Variants in LARP1B observed in about 807,000 individuals in gnomAD.
The protein encoded by LARP1B is la-related protein 1B.
A neutral mutation model predicts 114.2 loss-of-function variants in LARP1B; 76 were observed. The ratio of observed to expected loss-of-function variants is 0.67; its 90% CI spans 0.55 to 0.81. LARP1B has a LOEUF of 0.81. Among genes scored for constraint, LARP1B ranks in the 30% least tolerant of loss-of-function variants. The pLI is 0.00. For missense variants in LARP1B, 1,014 were observed against 1,075.8 expected, an observed-to-expected ratio of 0.94 and a Z score of 0.80; for synonymous variants, 345 against 348.0, an observed-to-expected ratio of 0.99 and a Z score of 0.10.
chr4:128,192,005 G>A lies in LARP1B; in HGVS notation c.2004-7434G>A, dbSNP rs532840747. ...AGTTTTTCAGTTCTCTGTGGCTCAC[G>A]GGTACTATCAGCCTCAGATTTGAGT... On this transcript the variant is annotated intron_variant, in intron 15 of 19. Transcript: ENST00000326639. Among the ~76,000 whole-genome samples the A allele has an allele frequency of 4.6e-5, 7 of 152,216 alleles. No homozygotes were observed. In the South Asian group the frequency reaches 1.2e-3, roughly 27 times the overall value.
chr4:128,077,705 G>A, intron 3 of LARP1B, 83 bp from the exon 4 acceptor site: 6 of 1,355,000 alleles, frequency 4.4e-6, no homozygotes, highest in Non-Finnish European at 5.8e-6. Context: ...TGCAATTTTA[G>A]GTTAGGTATA....
chr4:128,170,087 T>C (rs528116161), intron 12 of LARP1B, among the ~76,000 whole-genome samples: 2 of 152,344 alleles, frequency 1.3e-5, no homozygotes, highest in Admixed American at 1.3e-4. Flanking sequence ...GTATTCGGTG[T>C]AATTTCCAAG....
At position 128,211,462 on chromosome 4, in the gene LARP1B, A is replaced by G; in HGVS notation, c.*1409A>G. Reference sequence around the variant, plus strand: ...TTTCATTAAGTTATTTCTCATGATAAGTAATAATCAGCAGTTTTATAATAT... The same window carrying G: ...TTTCATTAAGTTATTTCTCATGATAGGTAATAATCAGCAGTTTTATAATAT... On this transcript the variant is annotated 3_prime_UTR_variant, in exon 20 of 20. Coordinates refer to ENST00000326639, the MANE Select transcript of LARP1B (RefSeq NM_018078.4). The G allele has an allele frequency of 1.3e-5, 12 of 916,858 alleles. No individual in the cohort carries two copies. Among genetic ancestry groups the G allele is most frequent in the Non-Finnish European group, 1.6e-5 (12 of 767,622 alleles). The allele number at this position is 916,858 out of a possible 1,614,324, so 56.8% of individuals were successfully genotyped here.
chr4:128,184,443 A>G (rs1749628817), intron 15 of LARP1B, among the ~76,000 whole-genome samples: 2 of 152,216 alleles, frequency 1.3e-5, no homozygotes, highest in South Asian at 4.1e-4. Context: ...AAATTGATAC[A>G]TAACAGTTGT....
intron 1 of LARP1B, among the ~76,000 whole-genome samples, chr4:128,074,259 C>T (rs1766941014): frequency 6.6e-6 from 1 of 152,162 alleles, no homozygotes; most frequent in African/African-American, 2.4e-5. Context: ...ATATTTCTTA[C>T]TTCTTGATTT....
chr4:128,157,680 TGAAA>T (rs560607944), intron 11 of LARP1B, among the ~76,000 whole-genome samples: 68 of 152,204 alleles, frequency 4.5e-4, no homozygotes, highest in African/African-American at 1.5e-3. Context: ...TTACAGTGCC[TGAAA>T]GAAAGGGAAA....
At chr4:128,196,282 A>T (rs1754070744) in intron 15 of LARP1B, among the ~76,000 whole-genome samples, 1 of 150,312 alleles carries the variant, frequency 6.7e-6, no homozygotes, top group African/African-American at 2.4e-5. Flanking sequence ...GAAAGAAAGA[A>T]AAAGAAAAGG....
At chr4:128,179,017 G>A (rs938474961) in intron 14 of LARP1B, among the ~76,000 whole-genome samples, 3 of 152,264 alleles carry the variant, frequency 2.0e-5, no homozygotes, top group African/African-American at 4.8e-5. Context: ...GCTTGAGCCT[G>A]TAGGGGTCAG....
At chr4:128,075,219 G>A (rs1767341184) in intron 3 of LARP1B, among the ~76,000 whole-genome samples, 1 of 151,562 alleles carries the variant, frequency 6.6e-6, no homozygotes, top group African/African-American at 2.4e-5. Context: ...TTCCTACCTC[G>A]ACCTCCAGAG....
intron 11 of LARP1B, among the ~76,000 whole-genome samples, chr4:128,137,904 TCAGCCTCCTGAGTAGCTGGGACTACAGG>T (rs1358812180): frequency 5.3e-5 from 8 of 151,838 alleles, no homozygotes; most frequent in Non-Finnish European, 1.2e-4. Context: ...AAGCAGTGCT[TCAGCCTCCTGAGTAGCTGGGACTACAGG>T]CATGCACCAC....
At chr4:128,174,394 A>G (rs1404786798) in intron 12 of LARP1B, among the ~76,000 whole-genome samples, 1 of 151,994 alleles carries the variant, frequency 6.6e-6, no homozygotes, top group Non-Finnish European at 1.5e-5. Flanking sequence ...TGTTCTTGCA[A>G]TGAATATTTG....
At chr4:128,161,265 G>T (rs1026703822) in intron 11 of LARP1B, among the ~76,000 whole-genome samples, 4 of 152,138 alleles carry the variant, frequency 2.6e-5, no homozygotes, top group African/African-American at 9.7e-5. Flanking sequence ...GTGGCCAAGT[G>T]AACTTCCAGT....
chr4:128,183,087 A>C (rs573874843), intron 15 of LARP1B, among the ~76,000 whole-genome samples: 1 of 152,342 alleles, frequency 6.6e-6, no homozygotes, highest in East Asian at 1.9e-4. Context: ...GCAAGTGCTG[A>C]TGGGGAAGGT....
chr4:128,193,003 A>T (rs914024771), intron 15 of LARP1B, among the ~76,000 whole-genome samples: 1 of 151,934 alleles, frequency 6.6e-6, no homozygotes, highest in Non-Finnish European at 1.5e-5. Flanking sequence ...GCTAATTTTT[A>T]AAAAAATTTT....
At chr4:128,122,246 G>A (rs780955488) in intron 11 of LARP1B, 58 bp downstream of exon 11, 124 of 1,573,758 alleles carry the variant, frequency 7.9e-5, no homozygotes, top group Non-Finnish European at 9.9e-5. Context: ...GTATGTTGCT[G>A]TTTATATTTT....
At chr4:128,083,069 C>T (rs1448864161) in intron 5 of LARP1B, among the ~76,000 whole-genome samples, 2 of 151,976 alleles carry the variant, frequency 1.3e-5, no homozygotes, top group Non-Finnish European at 2.9e-5. Flanking sequence ...ACATCTTGCA[C>T]CGCCCTTAAT....
intron 1 of LARP1B, among the ~76,000 whole-genome samples, chr4:128,064,271 C>CAAGAA (rs1761563190): frequency 1.3e-5 from 1 of 79,582 alleles, no homozygotes; most frequent in Non-Finnish European, 2.2e-5. Context: ...GACTCAGTCT[C>CAAGAA]AAAAAAAAAA....
At chr4:128,164,830 A>AAAAGC (rs1337743590) in intron 12 of LARP1B, among the ~76,000 whole-genome samples, 4 of 152,164 alleles carry the variant, frequency 2.6e-5, no homozygotes, top group African/African-American at 9.7e-5. Context: ...CATAATAGAA[A>AAAAGC]AAAGCAAATG....
intron 1 of LARP1B, chr4:128,069,609 C>A: frequency 1.5e-6 from 1 of 677,080 alleles, no homozygotes. Context: ...TTGTATGCCC[C>A]CATCTTGGCT....
Sources: gnomAD v4.1 joint callset for allele counts (sites outside exome capture counted in the v4.1 genomes callset) on GRCh38, gnomAD v4.1.1 for gene constraint, MANE v1.5 for transcripts, NCBI Gene and HGNC (gene_info 2026-07-23, HGNC 2026-07-21) for gene names.